The following CELF2 variants were observed in gnomAD, a reference collection of about 807,000 sequenced individuals.
CELF2 encodes the protein CUGBP Elav-like family member 2.
Under a neutral mutation model 62.6 loss-of-function variants are expected in CELF2, and 8 were observed. The ratio of observed to expected loss-of-function variants is 0.13; its 90% CI spans 0.07 to 0.23. CELF2 has a LOEUF of 0.23. Ranked by LOEUF, CELF2 falls within the 10% of genes least tolerant of loss-of-function variation. The pLI is 1.00. For missense variants in CELF2, 333 were observed against 671.0 expected, an observed-to-expected ratio of 0.50 and a Z score of 5.56; for synonymous variants, 258 against 250.0, an observed-to-expected ratio of 1.03 and a Z score of -0.30.
intron 1 of CELF2, among the ~76,000 whole-genome samples, chr10:10,874,835 G>A (rs954185727): frequency 1.3e-5 from 2 of 152,156 alleles, no homozygotes; most frequent in African/African-American, 4.8e-5. Flanking sequence ...ACCTGTTCTA[G>A]ATTCACTAAT....
the CELF2 span, among the ~76,000 whole-genome samples, chr10:10,488,860 G>T: frequency 6.6e-6 from 1 of 151,958 alleles, no homozygotes. Context: ...TATAACCAAT[G>T]CAAGAAGGAG....
the CELF2 span, among the ~76,000 whole-genome samples, chr10:10,687,088 C>A: frequency 6.6e-6 from 1 of 152,202 alleles, no homozygotes; most frequent in Non-Finnish European, 1.5e-5. Flanking sequence ...AAACACCCTA[C>A]ACTTAAACTG....
chr10:11,303,978 T>G (rs1230623911), intron 9 of CELF2, among the ~76,000 whole-genome samples: 1 of 152,266 alleles, frequency 6.6e-6, no homozygotes, highest in African/African-American at 2.4e-5. Context: ...CACTCACACC[T>G]TAGCTGTGCT....
the CELF2 span, among the ~76,000 whole-genome samples, chr10:10,577,929 C>T: frequency 0.032 from 4,802 of 152,218 alleles, 153 homozygotes; most frequent in East Asian, 0.1. Flanking sequence ...CCTGAGGAAT[C>T]GCCACACCGA....
the CELF2 span, among the ~76,000 whole-genome samples, chr10:10,628,125 A>T: frequency 1.8e-4 from 27 of 152,012 alleles, no homozygotes; most frequent in African/African-American, 6.0e-4. Context: ...CTGGTCTCAA[A>T]CTCCTGGCCT....
the CELF2 span, among the ~76,000 whole-genome samples, chr10:10,539,637 G>A: frequency 2.0e-5 from 3 of 152,154 alleles, no homozygotes; most frequent in Non-Finnish European, 4.4e-5. Context: ...TCCAACTCTT[G>A]AGATTACATT....
At chr10:11,048,421 G>C (rs1594011670) in intron 1 of CELF2, among the ~76,000 whole-genome samples, 1 of 152,190 alleles carries the variant, frequency 6.6e-6, no homozygotes, top group Admixed American at 6.5e-5. Context: ...TTGATAATCA[G>C]ATGGTTGCGT....
chr10:10,842,912 C>A (rs2058773139), intron 1 of CELF2, among the ~76,000 whole-genome samples: 1 of 152,066 alleles, frequency 6.6e-6, no homozygotes, highest in African/African-American at 2.4e-5. Flanking sequence ...GCGGAACCAT[C>A]TCAGCCTGGT....
chr10:11,236,877 T>A (rs1302494500), intron 3 of CELF2, among the ~76,000 whole-genome samples: 1 of 152,102 alleles, frequency 6.6e-6, no homozygotes, highest in East Asian at 1.9e-4. Flanking sequence ...GAATAGGGGG[T>A]TGCCTGATTC....
the CELF2 span, among the ~76,000 whole-genome samples, chr10:10,733,836 C>T: frequency 6.6e-6 from 1 of 152,254 alleles, no homozygotes; most frequent in South Asian, 2.1e-4. Flanking sequence ...AACTACAATT[C>T]AAGATGAGAT....
the CELF2 span, among the ~76,000 whole-genome samples, chr10:10,490,839 A>C: frequency 6.6e-6 from 1 of 152,174 alleles, no homozygotes; most frequent in African/African-American, 2.4e-5. Flanking sequence ...GGAGTTAATA[A>C]TGGCTACTTG....
chr10:11,091,054 T>C lies in CELF2; in HGVS notation c.74+72891T>C, dbSNP rs563960687. Among the ~76,000 whole-genome samples the C allele has an allele frequency of 2.0e-5, 3 of 152,346 alleles. No homozygotes were observed. In the South Asian group the frequency reaches 6.2e-4, roughly 32 times the overall value. On this transcript the variant is annotated intron_variant, in intron 1 of 12. Transcript: ENST00000633077. ...CATGTGTAGACTTAAATATCAATTATGAGTTACCTTCTGAAATTCCTTTTG... is the reference window on the plus strand; with the variant it reads ...CATGTGTAGACTTAAATATCAATTACGAGTTACCTTCTGAAATTCCTTTTG...
At chr10:10,694,860 G>T in the CELF2 span, among the ~76,000 whole-genome samples, 1 of 151,164 alleles carries the variant, frequency 6.6e-6, no homozygotes, top group Non-Finnish European at 1.5e-5. Context: ...TTTTCCATTT[G>T]CTTGGTAGAT....
chr10:10,500,317 C>A, the CELF2 span, among the ~76,000 whole-genome samples: 1 of 152,150 alleles, frequency 6.6e-6, no homozygotes, highest in Non-Finnish European at 1.5e-5. Context: ...ATAGTAACAT[C>A]TTTCAAAACT....
intron 1 of CELF2, among the ~76,000 whole-genome samples, chr10:10,819,072 G>A (rs893236374): frequency 1.3e-5 from 2 of 152,114 alleles, no homozygotes; most frequent in African/African-American, 4.8e-5. Flanking sequence ...CATTTACCTG[G>A]TTATTAATTC....
rs149496762 is a variant in CELF2, at chr10:10,981,196, C to T, written c.89+61197C>T. Reference sequence around the variant, plus strand: ...ATTTCTTCGCACTTGGATTCCACTTCGTTATAGAGACTTCTGTTAAGTACC... The same window carrying T: ...ATTTCTTCGCACTTGGATTCCACTTTGTTATAGAGACTTCTGTTAAGTACC... On this transcript the variant is annotated intron_variant, in intron 2 of 13. Coordinates refer to the CELF2 transcript ENST00000636488. Among the ~76,000 whole-genome samples the T allele has an allele frequency of 6.8e-4, 104 of 152,306 alleles. 3 individuals carry two copies. In the East Asian group the frequency reaches 0.011, roughly 16 times the overall value.
chr10:11,143,069 G>A (rs2061647270), intron 1 of CELF2, among the ~76,000 whole-genome samples: 1 of 151,428 alleles, frequency 6.6e-6, no homozygotes, highest in African/African-American at 2.4e-5. Flanking sequence ...CACTCCCCTC[G>A]TGATTCTTCT....
In CELF2 at chr10:11,260,526, T is replaced by C. The variant is rs1297692594; in HGVS notation, c.538+2654T>C. 6.6e-6 allele frequency among the ~76,000 whole-genome samples: 1 copy of C among 152,222 alleles called. No individual in the cohort carries two copies. The highest frequency in any genetic ancestry group is 2.4e-5 in the African/African-American group (1 of 41,442). On this transcript the variant is annotated intron_variant, in intron 5 of 12. Coordinates refer to ENST00000633077, the MANE Select transcript of CELF2 (RefSeq NM_001326342.2). The surrounding 1 kb of genome is among the most constrained non-coding windows in gnomAD (Gnocchi z 4.2). ...CTAATTTGATCTGCCATTTGGTTGA[T>C]TAACCAGCACTTGACACCAGAAGCA...
rs570214090 is a variant in CELF2, at chr10:11,182,140, G to A, written c.271+16458G>A. 1.1e-4 allele frequency among the ~76,000 whole-genome samples: 17 copies of A among 152,314 alleles called. No homozygotes were observed. In the South Asian group the frequency reaches 1.9e-3, roughly 17 times the overall value. Reference sequence around the variant, plus strand: ...AAGGGCTCTGAGCCCTCTGAGCAGCGTGCTCACCTGAAACCCCGCCAGACT... The same window carrying A: ...AAGGGCTCTGAGCCCTCTGAGCAGCATGCTCACCTGAAACCCCGCCAGACT... On this transcript the variant is annotated intron_variant, in intron 2 of 12. Transcript: ENST00000633077.
Sources: gnomAD v4.1 joint callset for allele counts (sites outside exome capture counted in the v4.1 genomes callset) on GRCh38, gnomAD v4.1.1 for gene constraint, Gnocchi (gnomAD v3.1) non-coding constraint, MANE v1.5 for transcripts, NCBI Gene and HGNC (gene_info 2026-07-23, HGNC 2026-07-21) for gene names.